ZBTB16: variants seen among roughly 807,000 people sequenced by gnomAD.
ZBTB16 encodes the protein zinc finger and BTB domain-containing protein 16.
ZBTB16 carries 8 observed loss-of-function variants against 56.8 expected under a neutral mutation model. That is an observed-to-expected ratio of 0.14 (90% confidence interval 0.08 to 0.25). ZBTB16 has a LOEUF of 0.25. Among genes scored for constraint, ZBTB16 ranks in the 10% least tolerant of loss-of-function variants. The pLI, the probability that ZBTB16 is intolerant of heterozygous loss-of-function variation, is 1.00. For synonymous variants in ZBTB16, 363 were observed against 368.5 expected, an observed-to-expected ratio of 0.98 and a Z score of 0.17; for missense variants, 625 against 903.0, an observed-to-expected ratio of 0.69 and a Z score of 3.95.
intron 2 of ZBTB16, among the ~76,000 whole-genome samples, chr11:114,139,040 GCT>G (rs2134887162): frequency 6.6e-6 from 1 of 152,190 alleles, no homozygotes; most frequent in African/African-American, 2.4e-5. Context: ...CGTCTCACCT[GCT>G]CTCTCAGCCC....
chr11:114,235,068 G>T (rs1348169983), intron 4 of ZBTB16, among the ~76,000 whole-genome samples: 1 of 152,172 alleles, frequency 6.6e-6, no homozygotes, highest in Non-Finnish European at 1.5e-5. Flanking sequence ...GGAGGGGGAA[G>T]TTTCTAGTTT....
intron 2 of ZBTB16, among the ~76,000 whole-genome samples, chr11:114,075,648 T>TATATATATATATATATATA (rs1939532573): frequency 6.8e-6 from 1 of 147,610 alleles, no homozygotes; most frequent in African/African-American, 2.5e-5. Flanking sequence ...TATATATATA[T>TATATATATATATATATATA]TTAGTAGAGA....
chr11:114,139,626 C>CGTGTGTGTGTGTGTGT lies in ZBTB16; in HGVS notation c.1269-16688_1269-16673dup, dbSNP rs750514241. ...TGTGTGGGTATGTGCCCGCGGTCCA[C>CGTGTGTGTGTGTGTGT]GTGTGTGTGTGTGTGTGTGTGTGTG... is the stretch of plus-strand genomic sequence containing the variant. On this transcript the variant is annotated intron_variant, in intron 2 of 6. Transcript: ENST00000335953. Among the ~76,000 whole-genome samples the CGTGTGTGTGTGTGTGT allele has an allele frequency of 1.4e-3, 201 of 138,636 alleles. 3 individuals are homozygous for CGTGTGTGTGTGTGTGT. The highest frequency in any genetic ancestry group is 5.4e-3 in the African/African-American group (192 of 35,546). The allele number at this position is 138,636 out of a possible 152,430, so 91.0% of individuals were successfully genotyped here. A position where few individuals can be genotyped will look rare whatever the true frequency, so the allele number is the denominator to read the frequency against.
rs1944903605 is a variant in ZBTB16, at chr11:114,250,728, G to A, written c.*173G>A. ...TCTCTGGGCTCCAGATGACCTGGAT[G>A]CCAAGCCACTGCCCCTCCTCTGGGG... On this transcript the variant is annotated 3_prime_UTR_variant, in exon 7 of 7. Transcript: ENST00000335953. The surrounding 1 kb of genome is among the most constrained non-coding windows in gnomAD (Gnocchi z 6.0). The A allele has an allele frequency of 1.4e-6, 1 of 704,966 alleles. No homozygotes were observed. 43.7% of individuals were successfully genotyped at this position (704,966 alleles called of 1,614,324 possible). A position where few individuals can be genotyped will look rare whatever the true frequency, so the allele number is the denominator to read the frequency against.
chr11:114,158,769 T>C (rs1942494485), intron 3 of ZBTB16, among the ~76,000 whole-genome samples: 1 of 152,206 alleles, frequency 6.6e-6, no homozygotes, highest in African/African-American at 2.4e-5. Flanking sequence ...CATACCACCA[T>C]AGCTAACATG....
In ZBTB16 at chr11:114,147,873, A is replaced by G. The variant is rs1034691190; in HGVS notation, c.1269-8464A>G. Among the ~76,000 whole-genome samples the G allele has an allele frequency of 1.9e-4, 29 of 152,334 alleles. 1 individual carries two copies. Among genetic ancestry groups the G allele is most frequent in the Non-Finnish European group, 4.3e-4 (29 of 68,040 alleles). On this transcript the variant is annotated intron_variant, in intron 2 of 6. Coordinates refer to ENST00000335953, the MANE Select transcript of ZBTB16 (RefSeq NM_006006.6). ...TTTGGCTACCAGGAACTTCACAGAT[A>G]AGCACGCTAAGACCTTGTTGAAAGA... is the stretch of plus-strand genomic sequence containing the variant.
Position 114,106,508 on chromosome 11 carries a change from GCAC to G in ZBTB16, c.1268+41942_1268+41944del, listed in dbSNP as rs1191434097. 2.7e-5 allele frequency among the ~76,000 whole-genome samples: 4 copies of G among 149,550 alleles called. No individual in the cohort carries two copies. The East Asian group carries it at 7.8e-4, about 29-fold the overall frequency. Reference sequence around the variant, plus strand: ...TTTTTTGAGACAGAGTCTTGCTCTGGCACCCAGGCTTGAATGCAGTGGCACGAT... The same window carrying G: ...TTTTTTGAGACAGAGTCTTGCTCTGGCCAGGCTTGAATGCAGTGGCACGAT... On this transcript the variant is annotated intron_variant, in intron 2 of 6. Coordinates refer to ENST00000335953, the MANE Select transcript of ZBTB16 (RefSeq NM_006006.6).
chr11:114,206,924 G>A (rs561973684), intron 4 of ZBTB16, among the ~76,000 whole-genome samples: 1 of 152,300 alleles, frequency 6.6e-6, no homozygotes, highest in Admixed American at 6.5e-5. Flanking sequence ...TTTGACAGCT[G>A]CAGCTTGTTG....
chr11:114,126,374 G>A (rs986312072), intron 2 of ZBTB16, among the ~76,000 whole-genome samples: 16 of 152,066 alleles, frequency 1.1e-4, no homozygotes, highest in Admixed American at 5.9e-4. Context: ...TGTCCATTCC[G>A]GCCTCATTCC....
At chr11:114,226,168 G>T (rs115659234) in intron 4 of ZBTB16, among the ~76,000 whole-genome samples, 108 of 152,292 alleles carry the variant, frequency 7.1e-4, no homozygotes, top group African/African-American at 2.3e-3. Flanking sequence ...AATTTGAGGT[G>T]CATGAGTGAG....
intron 5 of ZBTB16, 123 bp from the exon 6 acceptor site, chr11:114,247,075 G>C (rs555687261): frequency 2.3e-6 from 3 of 1,292,802 alleles, no homozygotes; most frequent in Non-Finnish European, 3.3e-6. Context: ...GGATCCTTAA[G>C]TTGTCTTTGG....
At chr11:114,220,931 A>C (rs1944217061) in intron 4 of ZBTB16, among the ~76,000 whole-genome samples, 1 of 152,186 alleles carries the variant, frequency 6.6e-6, no homozygotes, top group South Asian at 2.1e-4. Flanking sequence ...TCTGTCATAA[A>C]AGTTTTCCAG....
rs574991216 is a variant in ZBTB16 at position 114,248,927 on chromosome 11, T to G, written c.1793-1399T>G. On this transcript the variant is annotated intron_variant, in intron 6 of 6. Coordinates refer to ENST00000335953, the MANE Select transcript of ZBTB16 (RefSeq NM_006006.6). ...GGCTGTTCATTACTTCATTATTTGC[T>G]GGGGCCTGTGCGCGGGGGAGTATTG... Among the ~76,000 whole-genome samples, 3 of 152,286 alleles carry G rather than the reference T, an allele frequency of 2.0e-5. No homozygotes were observed. In the East Asian group the frequency reaches 5.8e-4, roughly 29 times the overall value.
rs1424601551 is a variant in ZBTB16, at chr11:114,064,041, G to C, written c.741G>C (p.Gln247His). 6.2e-7 allele frequency: 1 copy of C among 1,613,234 alleles called. No homozygotes were observed. The highest frequency in any genetic ancestry group is 1.3e-5 in the African/African-American group (1 of 74,930). The change falls in exon 2 of 7, where the codon CAG (glutamine) becomes CAC (histidine). Residue 247 changes from glutamine (Q) to histidine (H), a missense_variant. Coordinates refer to ENST00000335953, the MANE Select transcript of ZBTB16 (RefSeq NM_006006.6). The surrounding 1 kb of genome is among the most constrained non-coding windows in gnomAD (Gnocchi z 4.2). ...CTGAGGTGAAGACGGAGATGATGCA[G>C]GTGGATGAGGTGCCCAGCCAGGACA... ...GVAEVKTEMM[Q>H]VDEVPSQDSP...
intron 2 of ZBTB16, among the ~76,000 whole-genome samples, chr11:114,139,225 G>GCTGT (rs1941880177): frequency 6.6e-6 from 1 of 152,172 alleles, no homozygotes; most frequent in South Asian, 2.1e-4. Flanking sequence ...CCTTCTCCAG[G>GCTGT]CTGTCGCTTT....
At chr11:114,204,270 C>T (rs1275325746) in intron 4 of ZBTB16, among the ~76,000 whole-genome samples, 1 of 151,926 alleles carries the variant, frequency 6.6e-6, no homozygotes, top group Non-Finnish European at 1.5e-5. Context: ...TCTCCTGCCT[C>T]AGCCTTCACA....
intron 2 of ZBTB16, among the ~76,000 whole-genome samples, chr11:114,092,859 C>T (rs1226919221): frequency 6.6e-5 from 10 of 152,092 alleles, no homozygotes; most frequent in Non-Finnish European, 4.4e-5. Flanking sequence ...AATCTTCCTC[C>T]CACCTTTCCC....
chr11:114,086,676 T>C (rs1443867961), intron 2 of ZBTB16, among the ~76,000 whole-genome samples: 1 of 152,200 alleles, frequency 6.6e-6, no homozygotes, highest in Non-Finnish European at 1.5e-5. Context: ...CAACCACCTG[T>C]GAGGTGAATC....
At chr11:114,079,582 G>A (rs552053966) in intron 2 of ZBTB16, among the ~76,000 whole-genome samples, 3 of 152,348 alleles carry the variant, frequency 2.0e-5, no homozygotes, top group African/African-American at 7.2e-5. Context: ...GGGAATGTTT[G>A]GGAATTCTTT....
Sources: gnomAD v4.1 joint callset for allele counts (sites outside exome capture counted in the v4.1 genomes callset) on GRCh38, gnomAD v4.1.1 for gene constraint, Gnocchi (gnomAD v3.1) non-coding constraint, MANE v1.5 for transcripts, NCBI Gene and HGNC (gene_info 2026-07-23, HGNC 2026-07-21) for gene names.